FIG4: variants seen among roughly 807,000 people sequenced by gnomAD.
FIG4 encodes FIG4 phosphoinositide 5-phosphatase.
In FIG4, 112 loss-of-function variants were observed where a neutral mutation model predicts 118.6. The observed-to-expected ratio is 0.94, with a 90% confidence interval of 0.81 to 1.11. The LOEUF (loss-of-function observed/expected upper bound fraction) is 1.11. Among genes scored for constraint, FIG4 ranks in the 50% least tolerant of loss-of-function variants. The pLI, the probability that FIG4 is intolerant of heterozygous loss-of-function variation, is 0.00. For synonymous variants in FIG4, 369 were observed against 381.2 expected, an observed-to-expected ratio of 0.97 and a Z score of 0.37; for missense variants, 969 against 1,111.7, an observed-to-expected ratio of 0.87 and a Z score of 1.83.
chr6:109,710,729 T>G (rs2128380394), intron 1 of FIG4, among the ~76,000 whole-genome samples: 1 of 152,318 alleles, frequency 6.6e-6, no homozygotes, highest in Non-Finnish European at 1.5e-5. Flanking sequence ...GTCCAGGAAT[T>G]TATCTATTTC....
intron 1 of FIG4, among the ~76,000 whole-genome samples, chr6:109,696,894 G>A (rs1434185222): frequency 6.6e-6 from 1 of 152,172 alleles, no homozygotes; most frequent in African/African-American, 2.4e-5. Context: ...AGGATTTTGA[G>A]TGATCCCAAC....
intron 2 of FIG4, among the ~76,000 whole-genome samples, chr6:109,716,140 G>A (rs746482421): frequency 6.6e-6 from 1 of 152,086 alleles, no homozygotes; most frequent in Non-Finnish European, 1.5e-5. Context: ...TTTGCACATA[G>A]TTTTAAGGGA....
intron 21 of FIG4, among the ~76,000 whole-genome samples, chr6:109,793,902 A>T (rs544795166): frequency 1.3e-5 from 2 of 152,094 alleles, no homozygotes; most frequent in Non-Finnish European, 2.9e-5. Flanking sequence ...CACCCTCCTC[A>T]CTCTGACACA....
Position 109,725,692 on chromosome 6 carries a change from A to C in FIG4, c.290-1417A>C, listed in dbSNP as rs188649650. Among the ~76,000 whole-genome samples the C allele has an allele frequency of 7.2e-5, 11 of 152,272 alleles. No individual in the cohort carries two copies. The East Asian group carries it at 2.1e-3, about 29-fold the overall frequency. ...GAGGAATCACCACACTGTCTTCCAC[A>C]ATGGTTGAACTAATTTCCACCAACA... On this transcript the variant is annotated intron_variant, in intron 3 of 22. Transcript: ENST00000230124.
chr6:109,757,819 A>G (rs1275500489), intron 10 of FIG4, among the ~76,000 whole-genome samples: 1 of 152,244 alleles, frequency 6.6e-6, no homozygotes, highest in Non-Finnish European at 1.5e-5. Flanking sequence ...TACACCAATA[A>G]TAGACAGAGA....
chr6:109,785,985 A>G, intron 17 of FIG4: 1 of 354,300 alleles, frequency 2.8e-6, no homozygotes, highest in Admixed American at 4.1e-5. Flanking sequence ...TTTAGCTAAA[A>G]CACAAAGGGC....
chr6:109,791,269 C>A (rs1778127202), intron 19 of FIG4, 107 bp from the exon 20 acceptor site: 3 of 939,774 alleles, frequency 3.2e-6, no homozygotes, highest in East Asian at 2.4e-5. Context: ...GTGTCACAGT[C>A]ATTTTCTTAT....
chr6:109,751,350 A>G lies in FIG4; in HGVS notation c.1137+7578A>G, dbSNP rs1304748343. ...ATTGAGGATTTTCGCCTCGATGTTC[A>G]TCAGGGATATTGGCCTGAAATTTTC... On this transcript the variant is annotated intron_variant, in intron 10 of 22. Transcript: ENST00000230124. Among the ~76,000 whole-genome samples, 3 of 152,288 alleles carry G rather than the reference A, an allele frequency of 2.0e-5. No homozygotes were observed. The East Asian group carries it at 5.8e-4, about 29-fold the overall frequency.
intron 12 of FIG4, among the ~76,000 whole-genome samples, chr6:109,763,239 C>G (rs529284880): frequency 6.6e-6 from 1 of 152,342 alleles, no homozygotes; most frequent in Admixed American, 6.5e-5. Flanking sequence ...CTTATCAGTT[C>G]TGGGAATGGT....
chr6:109,769,008 A>C (rs776366168), intron 15 of FIG4, among the ~76,000 whole-genome samples: 2 of 152,020 alleles, frequency 1.3e-5, no homozygotes, highest in Admixed American at 1.3e-4. Context: ...CTCAGGGTGT[A>C]TATCACCATG....
chr6:109,696,384 C>T (rs1172816571), intron 1 of FIG4, among the ~76,000 whole-genome samples: 1 of 152,164 alleles, frequency 6.6e-6, no homozygotes, highest in African/African-American at 2.4e-5. Flanking sequence ...TTTATCAAGT[C>T]CCCTTATATA....
At chr6:109,806,450 C>T (rs1462387619) in intron 22 of FIG4, among the ~76,000 whole-genome samples, 1 of 151,778 alleles carries the variant, frequency 6.6e-6, no homozygotes, top group Non-Finnish European at 1.5e-5. Context: ...TTTCAGGATG[C>T]CCCATAATGT....
chr6:109,795,595 CTTTTTTTTT>C (rs72384711), intron 21 of FIG4, among the ~76,000 whole-genome samples: 30 of 69,536 alleles, frequency 4.3e-4, no homozygotes, highest in Non-Finnish European at 5.5e-4. Context: ...GGTTTCAGTC[CTTTTTTTTT>C]TTTTTTTTTT....
chr6:109,704,468 C>T (rs989706361), intron 1 of FIG4, among the ~76,000 whole-genome samples: 1 of 152,026 alleles, frequency 6.6e-6, no homozygotes, highest in Admixed American at 6.6e-5. Flanking sequence ...CCAGCCAGGC[C>T]AACATGGCGA....
At chr6:109,804,656 A>G (rs184980092) in intron 22 of FIG4, among the ~76,000 whole-genome samples, 3 of 152,284 alleles carry the variant, frequency 2.0e-5, no homozygotes, top group Admixed American at 2.0e-4. Flanking sequence ...TAATATTATT[A>G]CTTATTTTCC....
Position 109,743,785 on chromosome 6 carries a change from C to G in FIG4, c.1137+13C>G. On this transcript the variant is annotated intron_variant, in intron 10 of 22. Transcript: ENST00000230124. ...GAATTTAGTGAAGGTATGATGTGCT[C>G]ATCTGTTTGGTTATGAGATTCAGAC... 5.7e-6 allele frequency: 9 copies of G among 1,583,970 alleles called. No individual in the cohort carries two copies. Among genetic ancestry groups the G allele is most frequent in the Non-Finnish European group, 7.8e-6 (9 of 1,153,322 alleles).
At position 109,757,052 on chromosome 6, in the gene FIG4, G is replaced by A. The variant is rs370451512; in HGVS notation, c.1138-3198G>A. On this transcript the variant is annotated intron_variant, in intron 10 of 22. Coordinates refer to ENST00000230124, the MANE Select transcript of FIG4 (RefSeq NM_014845.6). ...TCGCTCACGCTGGGAGCTGTAGACC[G>A]GAGCTGTTCCTATTCGGCCATCTTG... is the stretch of plus-strand genomic sequence containing the variant. Among the ~76,000 whole-genome samples, 154 of 152,086 alleles carry A rather than the reference G, an allele frequency of 1.0e-3. 1 individual carries two copies. The highest frequency in any genetic ancestry group is 2.0e-3 in the Non-Finnish European group (134 of 68,008).
intron 10 of FIG4, among the ~76,000 whole-genome samples, chr6:109,753,080 A>G (rs948820312): frequency 9.9e-5 from 15 of 152,198 alleles, no homozygotes; most frequent in Non-Finnish European, 1.9e-4. Flanking sequence ...TCCCAGCACC[A>G]TTTATTAAAT....
intron 12 of FIG4, among the ~76,000 whole-genome samples, chr6:109,762,933 A>G (rs573725755): frequency 6.6e-6 from 1 of 152,310 alleles, no homozygotes; most frequent in South Asian, 2.1e-4. Flanking sequence ...TGACATTAAC[A>G]AAGGGAAAAG....
Sources: gnomAD v4.1 joint callset for allele counts (sites outside exome capture counted in the v4.1 genomes callset) on GRCh38, gnomAD v4.1.1 for gene constraint, MANE v1.5 for transcripts, NCBI Gene and HGNC (gene_info 2026-07-23, HGNC 2026-07-21) for gene names.